Variants in SCML4 observed in about 807,000 individuals in gnomAD.
SCML4 encodes Scm polycomb group protein like 4.
SCML4 carries 34 observed loss-of-function variants against 41.1 expected under a neutral mutation model. The observed-to-expected ratio is 0.83, with a 90% CI of 0.63 to 1.10. The LOEUF is 1.10. SCML4 is among the 50% of genes least tolerant of loss of function. SCML4 has a pLI of 0.00. For missense variants in SCML4, 522 were observed against 534.1 expected (o/e 0.98, Z 0.22); for synonymous variants, 214 against 220.9 (o/e 0.97, Z 0.28).
chr6:107,839,383 A>G, the SCML4 span, among the ~76,000 whole-genome samples: 1 of 147,768 alleles, frequency 6.8e-6, no homozygotes, highest in Non-Finnish European at 1.5e-5. Flanking sequence ...GAAAGAAAGA[A>G]AGAAAGAAAG....
rs890249417 is a variant in SCML4 at position 107,704,496 on chromosome 6, TG to T, written c.*703del. On this transcript the variant is annotated 3_prime_UTR_variant, in exon 8 of 8. Transcript: ENST00000369020. ...GTGGAATAAATCCCCTGTTTCTGTGTGGGCTAGATCTTGTTCACAGACACCC... is the reference window on the plus strand; with the variant it reads ...GTGGAATAAATCCCCTGTTTCTGTGTGGCTAGATCTTGTTCACAGACACCC... The T allele has an allele frequency of 1.3e-4, 20 of 152,332 alleles. No individual in the cohort carries two copies. The highest frequency in any genetic ancestry group is 4.8e-4 in the African/African-American group (20 of 41,452). 9.4% of individuals were successfully genotyped at this position (152,332 alleles called of 1,614,324 possible). A position where few individuals can be genotyped will look rare whatever the true frequency, so the allele number is the denominator to read the frequency against.
At position 107,817,629 on chromosome 6, in the gene SCML4, AAAAAAAG is replaced by A. The variant is rs1371252376; in HGVS notation, c.-60+6490_-60+6496del. ...GAGGAAGACTTCATCTCAAAAAAAA[AAAAAAAG>A]AAAAAAAAAAATCACTGAATGTACT... On this transcript the variant is annotated intron_variant, in intron 1 of 7. Coordinates refer to ENST00000369020, the MANE Select transcript of SCML4 (RefSeq NM_198081.5). 1.9e-3 allele frequency among the ~76,000 whole-genome samples: 278 copies of A among 142,878 alleles called. 7 individuals carry two copies. Among genetic ancestry groups the A allele is most frequent in the South Asian group, 4.5e-3 (20 of 4,476 alleles). The allele number at this position is 142,878 out of a possible 152,430, so 93.7% of individuals were successfully genotyped here. A position where few individuals can be genotyped will look rare whatever the true frequency, so the allele number is the denominator to read the frequency against.
At position 107,720,802 on chromosome 6, in the gene SCML4, T is replaced by A. The variant is rs761702543; in HGVS notation, c.874A>T (p.Thr292Ser). The change falls in exon 6 of 8, where the codon ACT (threonine) becomes TCT (serine). Residue 292 changes from threonine to serine, a missense_variant. By Grantham distance (58) the Thr-to-Ser change is moderately conservative (BLOSUM62 1). Transcript: ENST00000369020. Reference sequence around the variant, plus strand: ...GGGCCACCAGAAGACATGGGGCTAGTGCGGGGACCACCAGCGGTGGCAGCA... The same window carrying A: ...GGGCCACCAGAAGACATGGGGCTAGAGCGGGGACCACCAGCGGTGGCAGCA... Reference protein sequence around the residue: ...GPAATAGGPRTSPMSSGGPSA... With the variant: ...GPAATAGGPRSSPMSSGGPSA... 1.2e-6 allele frequency: 2 copies of A among 1,613,970 alleles called. No individual in the cohort carries two copies. Among genetic ancestry groups the A allele is most frequent in the South Asian group, 1.1e-5 (1 of 91,080 alleles).
chr6:107,825,953 A>AAG (rs1554228008), upstream of SCML4, among the ~76,000 whole-genome samples: 30 of 149,140 alleles, frequency 2.0e-4, no homozygotes, highest in African/African-American at 3.9e-4. Flanking sequence ...AAAAAAAAAA[A>AAG]AAAGAAAATA....
chr6:107,758,657 T>C (rs1313201874), intron 2 of SCML4, among the ~76,000 whole-genome samples: 1 of 152,154 alleles, frequency 6.6e-6, no homozygotes, highest in Admixed American at 6.5e-5. Flanking sequence ...GAGAGAATGC[T>C]ATGTGACGAC....
chr6:107,727,610 A>T (rs1776122188), intron 5 of SCML4, among the ~76,000 whole-genome samples: 1 of 152,194 alleles, frequency 6.6e-6, no homozygotes, highest in South Asian at 2.1e-4. Flanking sequence ...GTGCTGCGAG[A>T]TGTCTTCAGG....
intron 5 of SCML4, among the ~76,000 whole-genome samples, chr6:107,735,660 A>T (rs1184477517): frequency 1.3e-5 from 2 of 151,910 alleles, no homozygotes; most frequent in Admixed American, 1.3e-4. Context: ...TTAGCCAGGC[A>T]TGGTGGCAGG....
At chr6:107,845,030 G>A in the SCML4 span, among the ~76,000 whole-genome samples, 1 of 151,836 alleles carries the variant, frequency 6.6e-6, no homozygotes, top group Non-Finnish European at 1.5e-5. Flanking sequence ...GAGGTCAGGA[G>A]TTCAAGACCA....
chr6:107,737,773 A>G (rs942399736), intron 5 of SCML4, among the ~76,000 whole-genome samples: 13 of 152,158 alleles, frequency 8.5e-5, no homozygotes, highest in African/African-American at 3.1e-4. Context: ...AGGGAAGAGG[A>G]GAATTACATA....
At chr6:107,737,769 G>A (rs757281182) in intron 5 of SCML4, among the ~76,000 whole-genome samples, 9 of 152,190 alleles carry the variant, frequency 5.9e-5, no homozygotes, top group Non-Finnish European at 8.8e-5. Context: ...TGGGAGGGAA[G>A]AGGAGAATTA....
intron 2 of SCML4, 30 bp from the exon 3 acceptor site, chr6:107,749,843 G>T: frequency 8.1e-6 from 13 of 1,612,914 alleles, no homozygotes; most frequent in Non-Finnish European, 1.1e-5. Flanking sequence ...TGGTCAATGA[G>T]AATCTGGCAA....
At chr6:107,815,036 G>A (rs982061019) in intron 1 of SCML4, among the ~76,000 whole-genome samples, 6 of 152,200 alleles carry the variant, frequency 3.9e-5, no homozygotes, top group African/African-American at 1.2e-4. Context: ...CATGATCTTT[G>A]AGAGGGCTCT....
At chr6:107,764,063 TTAG>T (rs1779841970) in intron 2 of SCML4, among the ~76,000 whole-genome samples, 1 of 152,230 alleles carries the variant, frequency 6.6e-6, no homozygotes, top group Non-Finnish European at 1.5e-5. Flanking sequence ...GGGAACAAAG[TTAG>T]AAGACATTGA....
intron 1 of SCML4, among the ~76,000 whole-genome samples, chr6:107,794,505 T>C (rs1385518007): frequency 2.6e-5 from 4 of 152,172 alleles, no homozygotes; most frequent in Non-Finnish European, 5.9e-5. Context: ...TTATTTCACT[T>C]GTATGTTATC....
chr6:107,726,618 C>T (rs1776013057), intron 5 of SCML4, among the ~76,000 whole-genome samples: 1 of 141,836 alleles, frequency 7.1e-6, no homozygotes, highest in Non-Finnish European at 1.5e-5. Context: ...CTTGAATAAA[C>T]ATTTCTTTAA....
chr6:107,804,048 A>C (rs1408568945), intron 1 of SCML4, among the ~76,000 whole-genome samples: 1 of 120,352 alleles, frequency 8.3e-6, no homozygotes, highest in East Asian at 2.4e-4. Flanking sequence ...ATGATCAATA[A>C]CAAAAAAAAA....
intron 2 of SCML4, among the ~76,000 whole-genome samples, chr6:107,765,338 T>G (rs1386864457): frequency 6.6e-6 from 1 of 152,192 alleles, no homozygotes; most frequent in Non-Finnish European, 1.5e-5. Flanking sequence ...CCCCAGGGGC[T>G]GGAGCCGGCT....
chr6:107,777,326 A>G (rs1177313208), intron 1 of SCML4, among the ~76,000 whole-genome samples: 1 of 152,060 alleles, frequency 6.6e-6, no homozygotes, highest in African/African-American at 2.4e-5. Context: ...CCATGTTTGC[A>G]TGATTGGTCT....
intron 2 of SCML4, among the ~76,000 whole-genome samples, chr6:107,765,787 T>C (rs1779985157): frequency 6.6e-6 from 1 of 152,242 alleles, no homozygotes; most frequent in African/African-American, 2.4e-5. Flanking sequence ...TGTGAATTCA[T>C]TGGTGGCTCA....
Sources: gnomAD v4.1 joint callset for allele counts (sites outside exome capture counted in the v4.1 genomes callset) on GRCh38, gnomAD v4.1.1 for gene constraint, MANE v1.5 for transcripts, NCBI Gene and HGNC (gene_info 2026-07-23, HGNC 2026-07-21) for gene names.